Variants in SDK1 observed in about 807,000 individuals in gnomAD.
The protein encoded by SDK1 is protein sidekick-1.
In SDK1, 157 loss-of-function variants were observed where a neutral mutation model predicts 245.5. That is an observed-to-expected ratio of 0.64 (90% CI 0.56 to 0.73). The LOEUF is 0.73. SDK1 is among the 30% of genes least tolerant of loss of function. SDK1 has a pLI of 0.00. For missense variants in SDK1, 3,583 were observed against 3,002.3 expected, an observed-to-expected ratio of 1.19 and a Z score of -4.52; for synonymous variants, 1,647 against 1,278.5, an observed-to-expected ratio of 1.29 and a Z score of -6.15.
chr7:3,967,044 A>G (rs889848842), intron 9 of SDK1, among the ~76,000 whole-genome samples: 1 of 152,178 alleles, frequency 6.6e-6, no homozygotes, highest in African/African-American at 2.4e-5. Flanking sequence ...TTTAATATTC[A>G]TCAAAAACTG....
chr7:3,870,798 C>G (rs983684809), intron 5 of SDK1, among the ~76,000 whole-genome samples: 2 of 152,114 alleles, frequency 1.3e-5, no homozygotes, highest in Non-Finnish European at 2.9e-5. Context: ...TGTTTTTTGT[C>G]TGTTGCAGTA....
At chr7:4,068,958 G>A (rs1049791400) in intron 20 of SDK1, among the ~76,000 whole-genome samples, 1 of 152,116 alleles carries the variant, frequency 6.6e-6, no homozygotes, top group African/African-American at 2.4e-5. Flanking sequence ...CTGACCTCAA[G>A]TGATCCACCT....
At chr7:3,315,195 C>T (rs1293692257) in intron 1 of SDK1, among the ~76,000 whole-genome samples, 1 of 152,134 alleles carries the variant, frequency 6.6e-6, no homozygotes, top group African/African-American at 2.4e-5. Flanking sequence ...GGAAGGATTT[C>T]TGAATATATT....
intron 1 of SDK1, among the ~76,000 whole-genome samples, chr7:3,437,550 T>G (rs545659363): frequency 6.6e-6 from 1 of 152,132 alleles, no homozygotes; most frequent in South Asian, 2.1e-4. Context: ...GGTGGGAAGA[T>G]TGCTTGAGGT....
At chr7:4,147,957 T>G (rs1780090470) in intron 29 of SDK1, among the ~76,000 whole-genome samples, 1 of 152,064 alleles carries the variant, frequency 6.6e-6, no homozygotes, top group African/African-American at 2.4e-5. Flanking sequence ...CCCCGTGTCC[T>G]GCCCCACAGC....
intron 1 of SDK1, among the ~76,000 whole-genome samples, chr7:3,475,239 C>T (rs1483670775): frequency 2.0e-5 from 3 of 152,202 alleles, no homozygotes; most frequent in African/African-American, 7.2e-5. Context: ...TTCTTGTTGT[C>T]TTCAAGGCCT....
intron 1 of SDK1, among the ~76,000 whole-genome samples, chr7:3,400,383 T>G (rs971245084): frequency 2.6e-5 from 4 of 152,092 alleles, no homozygotes; most frequent in Admixed American, 1.3e-4. Flanking sequence ...TGGGAGCGTT[T>G]CCACAGATCT....
rs1019875252 is a variant in SDK1 at position 4,031,032 on chromosome 7, CAG to C, written c.2602+13684_2602+13685del. 5.9e-5 allele frequency among the ~76,000 whole-genome samples: 9 copies of C among 152,156 alleles called. No homozygotes were observed. The South Asian group carries it at 6.2e-4, about 11-fold the overall frequency. On this transcript the variant is annotated intron_variant, in intron 17 of 44. Coordinates refer to ENST00000404826, the MANE Select transcript of SDK1 (RefSeq NM_152744.4). ...ATACACATTCACATACATGCGCAAA[CAG>C]AGACAAGTATACATATACATGTATA... is the stretch of plus-strand genomic sequence containing the variant.
intron 13 of SDK1, among the ~76,000 whole-genome samples, chr7:3,975,984 G>C (rs1782924335): frequency 1.4e-5 from 1 of 69,106 alleles, no homozygotes; most frequent in Admixed American, 1.5e-4. Context: ...GAATCACTGA[G>C]GGTCCCGGGG....
rs185217650 is a variant in SDK1, at chr7:3,366,783, C to G, written c.298+64899C>G. 3.7e-3 allele frequency among the ~76,000 whole-genome samples: 567 copies of G among 152,090 alleles called. 6 individuals carry two copies. Among genetic ancestry groups the G allele is most frequent in the African/African-American group, 0.013 (532 of 41,482 alleles). ...TTTGAGACAGAGTCTTGCTCTGTCA[C>G]CAGGTTGGAGTGCAGTGGCGTGATC... On this transcript the variant is annotated intron_variant, in intron 1 of 44. Coordinates refer to ENST00000404826, the MANE Select transcript of SDK1 (RefSeq NM_152744.4).
At chr7:3,672,079 G>A (rs1228346218) in intron 4 of SDK1, among the ~76,000 whole-genome samples, 1 of 152,124 alleles carries the variant, frequency 6.6e-6, no homozygotes, top group Non-Finnish European at 1.5e-5. Flanking sequence ...GGGACACAGG[G>A]TCTCCTGAGG....
chr7:3,918,561 G>A (rs1040040473), intron 5 of SDK1, among the ~76,000 whole-genome samples: 1 of 152,194 alleles, frequency 6.6e-6, no homozygotes, highest in Admixed American at 6.5e-5. Flanking sequence ...GTGATGGTGA[G>A]TTGTATAATT....
chr7:3,397,492 C>G (rs1020939102), intron 1 of SDK1, among the ~76,000 whole-genome samples: 3 of 150,998 alleles, frequency 2.0e-5, no homozygotes, highest in Non-Finnish European at 1.5e-5. Context: ...CCCCCCCCAG[C>G]GCTTTGAATA....
chr7:3,820,370 G>T lies in SDK1; in HGVS notation c.714-1080G>T, dbSNP rs147541849. ...TCACCATGTTGGCCAGGATGGTCTC[G>T]ATCTCTTGACGTCACAATCTGTCCA... is the stretch of plus-strand genomic sequence containing the variant. On this transcript the variant is annotated intron_variant, in intron 4 of 44. Coordinates refer to ENST00000404826, the MANE Select transcript of SDK1 (RefSeq NM_152744.4). 6.0e-3 allele frequency among the ~76,000 whole-genome samples: 914 copies of T among 152,178 alleles called. 8 individuals carry two copies. The highest frequency in any genetic ancestry group is 0.021 in the African/African-American group (875 of 41,520).
Position 3,821,555 on chromosome 7 carries a change from A to T in SDK1, c.819A>T (p.Thr273=), listed in dbSNP as rs573321623. 52 of 1,613,990 alleles carry T rather than the reference A, an allele frequency of 3.2e-5. No homozygotes were observed. In the South Asian group the frequency reaches 4.6e-4, roughly 14 times the overall value. Residue 273 remains threonine, a synonymous_variant, in exon 5 of 45, where the codon ACA becomes ACT. Coordinates refer to ENST00000404826, the MANE Select transcript of SDK1 (RefSeq NM_152744.4). The part of the protein sequence containing the change: ...AVNEKNGENK[T]SPFIHLSIAR... ...ATGAGAAAAATGGAGAAAACAAGAC[A>T]AGCCCATTCATTCATTTGAGCATAG...
intron 1 of SDK1, among the ~76,000 whole-genome samples, chr7:3,458,508 C>G (rs968804446): frequency 6.6e-6 from 1 of 151,890 alleles, no homozygotes; most frequent in Admixed American, 6.6e-5. Context: ...TTCAGGCCAT[C>G]TACCCCCTTT....
intron 1 of SDK1, among the ~76,000 whole-genome samples, chr7:3,346,827 A>ATATATATATTT (rs1228887289): frequency 2.4e-4 from 4 of 16,388 alleles, no homozygotes; most frequent in Admixed American, 1.1e-3. Context: ...ATATATATAT[A>ATATATATATTT]TTTTTTTTTT....
In SDK1 at chr7:3,908,106, G is replaced by T. The variant is rs545655510; in HGVS notation, c.848-42817G>T. On this transcript the variant is annotated intron_variant, in intron 5 of 44. Coordinates refer to ENST00000404826, the MANE Select transcript of SDK1 (RefSeq NM_152744.4). ...CAAACATTTATTGAGTGCCCGTAAT[G>T]TGCTGGCTTCTGTGATACACACAGA... Among the ~76,000 whole-genome samples, 9 of 152,254 alleles carry T rather than the reference G, an allele frequency of 5.9e-5. No homozygotes were observed. In the East Asian group the frequency reaches 1.7e-3, roughly 29 times the overall value.
rs58061781 is a variant in SDK1, at chr7:3,560,790, C to T, written c.299-58290C>T. Among the ~76,000 whole-genome samples, 800 of 152,264 alleles carry T rather than the reference C, an allele frequency of 5.3e-3. 4 individuals carry two copies. The highest frequency in any genetic ancestry group is 0.019 in the African/African-American group (769 of 41,542). On this transcript the variant is annotated intron_variant, in intron 1 of 44. Transcript: ENST00000404826. ...CTACCCCTCCCCAGCTCTGCTCTTC[C>T]AGCCTCTCTGGCCTCTTTCCTGTTC...
Sources: gnomAD v4.1 joint callset for allele counts (sites outside exome capture counted in the v4.1 genomes callset) on GRCh38, gnomAD v4.1.1 for gene constraint, MANE v1.5 for transcripts, NCBI Gene and HGNC (gene_info 2026-07-23, HGNC 2026-07-21) for gene names.